EPHA3: variants seen among roughly 807,000 people sequenced by gnomAD.
The protein encoded by EPHA3 is ephrin type-A receptor 3.
Under a neutral mutation model 107.1 loss-of-function variants are expected in EPHA3, and 42 were observed. That is an observed-to-expected ratio of 0.39 (90% CI 0.31 to 0.51). The LOEUF (loss-of-function observed/expected upper bound fraction) is 0.51. Among genes scored for constraint, EPHA3 ranks in the 20% least tolerant of loss-of-function variants. The pLI is 0.78. For missense variants in EPHA3, 1,183 were observed against 1,211.2 expected, an observed-to-expected ratio of 0.98 and a Z score of 0.35; for synonymous variants, 461 against 424.8, an observed-to-expected ratio of 1.09 and a Z score of -1.05.
intron 13 of EPHA3, among the ~76,000 whole-genome samples, chr3:89,431,730 G>T (rs975043477): frequency 4.6e-5 from 7 of 151,964 alleles, no homozygotes; most frequent in Non-Finnish European, 8.8e-5. Context: ...TCATTTTAAA[G>T]CACTTTCAAA....
intron 5 of EPHA3, among the ~76,000 whole-genome samples, chr3:89,352,706 C>A (rs2107444865): frequency 6.6e-6 from 1 of 150,506 alleles, no homozygotes; most frequent in African/African-American, 2.4e-5. Context: ...GAATTCAAGA[C>A]CAGCCTGGTC....
At chr3:89,287,068 T>A (rs541281886) in intron 3 of EPHA3, among the ~76,000 whole-genome samples, 2 of 152,306 alleles carry the variant, frequency 1.3e-5, no homozygotes, top group South Asian at 2.1e-4. Context: ...TCCAAAACAC[T>A]TTTCAAATGG....
intron 3 of EPHA3, among the ~76,000 whole-genome samples, chr3:89,309,974 G>A (rs1281523946): frequency 6.6e-6 from 1 of 150,748 alleles, no homozygotes; most frequent in African/African-American, 2.4e-5. Context: ...AAACTTGGAA[G>A]CAAACTAAAT....
chr3:89,399,271 T>G, intron 6 of EPHA3, 47 bp from the exon 7 acceptor site: 2 of 1,547,282 alleles, frequency 1.3e-6, no homozygotes, highest in Non-Finnish European at 1.8e-6. Flanking sequence ...TTTTATAGCA[T>G]TATGAAGATT....
In EPHA3 at chr3:89,399,726, GTTT is replaced by G. The variant is rs368368368; in HGVS notation, c.1594+256_1594+258del. Reference sequence around the variant, plus strand: ...ATATTCTAATGCCTGAAATGCTTCTGTTTTTTTTTTTTAGCCATAAATTGCTTT... The same window carrying G: ...ATATTCTAATGCCTGAAATGCTTCTGTTTTTTTTTAGCCATAAATTGCTTT... On this transcript the variant is annotated intron_variant, in intron 7 of 16. Transcript: ENST00000336596. 2.7e-3 allele frequency: 2,671 copies of G among 987,402 alleles called. 49 individuals carry two copies. The African/African-American group carries it at 0.041, about 15-fold the overall frequency. The allele number at this position is 987,402 out of a possible 1,614,324, so 61.2% of individuals were successfully genotyped here. A position where few individuals can be genotyped will look rare whatever the true frequency, so the allele number is the denominator to read the frequency against.
chr3:89,421,397 G>A (rs1288740255), intron 11 of EPHA3, among the ~76,000 whole-genome samples: 1 of 150,992 alleles, frequency 6.6e-6, no homozygotes, highest in Non-Finnish European at 1.5e-5. Flanking sequence ...TTTAACAATA[G>A]GTCTTTCTTT....
At chr3:89,240,295 G>A (rs1704864409) in intron 3 of EPHA3, among the ~76,000 whole-genome samples, 1 of 152,088 alleles carries the variant, frequency 6.6e-6, no homozygotes, top group Non-Finnish European at 1.5e-5. Context: ...TAACTATAAT[G>A]CCTGCTTCAT....
intron 3 of EPHA3, among the ~76,000 whole-genome samples, chr3:89,242,601 C>A (rs1220291510): frequency 6.6e-6 from 1 of 151,988 alleles, no homozygotes; most frequent in African/African-American, 2.4e-5. Context: ...CCACACCTGG[C>A]TAATTTTTTG....
At chr3:89,194,765 T>C (rs1183628399) in intron 2 of EPHA3, among the ~76,000 whole-genome samples, 1 of 152,126 alleles carries the variant, frequency 6.6e-6, no homozygotes, top group African/African-American at 2.4e-5. Flanking sequence ...ATAATACCTA[T>C]ACAGTTATTG....
chr3:89,313,312 A>G (rs1316285862), intron 3 of EPHA3, among the ~76,000 whole-genome samples: 1 of 151,932 alleles, frequency 6.6e-6, no homozygotes, highest in Non-Finnish European at 1.5e-5. Context: ...ATATGTTTGA[A>G]AAGTTTCATT....
In EPHA3 at chr3:89,341,693, T is replaced by G. The variant is rs1707525080; in HGVS notation, c.971-62T>G. The G allele has an allele frequency of 3.1e-6, 4 of 1,306,828 alleles. No individual in the cohort carries two copies. The East Asian group carries it at 9.2e-5, about 30-fold the overall frequency. 81.0% of individuals were successfully genotyped at this position (1,306,828 alleles called of 1,614,324 possible). A position where few individuals can be genotyped will look rare whatever the true frequency, so the allele number is the denominator to read the frequency against. ...TCATTCAGTTCCATTGTAAATTATC[T>G]ATTTCCCTTGTAGTAGAAAACAGAA... On this transcript the variant is annotated intron_variant, in intron 4 of 16. Transcript: ENST00000336596.
At chr3:89,415,955 G>A (rs1287508886) in intron 10 of EPHA3, among the ~76,000 whole-genome samples, 3 of 151,428 alleles carry the variant, frequency 2.0e-5, no homozygotes, top group Admixed American at 1.3e-4. Context: ...GATCATAGTA[G>A]TGTCTTCTTC....
chr3:89,235,742 T>C (rs1331870160), intron 3 of EPHA3, among the ~76,000 whole-genome samples: 2 of 152,100 alleles, frequency 1.3e-5, no homozygotes, highest in East Asian at 3.9e-4. Context: ...ACTTGCTGAA[T>C]TCTTAACACC....
Position 89,482,062 on chromosome 3 carries a change from G to A in EPHA3, c.*2560G>A, listed in dbSNP as rs1576401589. On this transcript the variant is annotated 3_prime_UTR_variant, in exon 17 of 17. Coordinates refer to ENST00000336596, the MANE Select transcript of EPHA3 (RefSeq NM_005233.6). Reference sequence around the variant, plus strand: ...ACAATGTAGATGGCCTCTTACTAATGTAAAATGATTTGTAGTGGAAACATT... The same window carrying A: ...ACAATGTAGATGGCCTCTTACTAATATAAAATGATTTGTAGTGGAAACATT... 7 of 216,628 alleles carry A rather than the reference G, an allele frequency of 3.2e-5. No homozygotes were observed. The East Asian group carries it at 4.8e-4, about 15-fold the overall frequency. 13.4% of individuals were successfully genotyped at this position (216,628 alleles called of 1,614,324 possible). A position where few individuals can be genotyped will look rare whatever the true frequency, so the allele number is the denominator to read the frequency against.
intron 5 of EPHA3, among the ~76,000 whole-genome samples, chr3:89,353,478 T>C (rs1274550330): frequency 6.6e-6 from 1 of 151,358 alleles, no homozygotes; most frequent in Non-Finnish European, 1.5e-5. Flanking sequence ...AACAAACAAA[T>C]GACGTCTGAA....
intron 5 of EPHA3, among the ~76,000 whole-genome samples, chr3:89,389,642 T>A (rs1408794760): frequency 6.6e-6 from 1 of 152,226 alleles, no homozygotes; most frequent in Non-Finnish European, 1.5e-5. Flanking sequence ...AAGGGTCATA[T>A]TTTAGAGGCA....
Position 89,429,114 on chromosome 3 carries a change from G to C in EPHA3, c.2083G>C (p.Val695Leu), listed in dbSNP as rs760534439. The change falls in exon 12 of 17, where the codon GTT (valine) becomes CTT (leucine). Residue 695 changes from valine to leucine, a missense_variant. Transcript: ENST00000336596. ...LEGVVTKSKP[V>L]MIVTEYMENG... ...ATTTACTGTATATCTAGGTAAGCCA[G>C]TTATGATTGTCACAGAATACATGGA... is the stretch of plus-strand genomic sequence containing the variant. The C allele has an allele frequency of 6.2e-7, 1 of 1,609,420 alleles. No homozygotes were observed. Among genetic ancestry groups the C allele is most frequent in the Admixed American group, 1.7e-5 (1 of 59,920 alleles).
chr3:89,309,264 C>G (rs965664599), intron 3 of EPHA3, among the ~76,000 whole-genome samples: 1 of 152,006 alleles, frequency 6.6e-6, no homozygotes. Context: ...CAAATATTTT[C>G]AAGACGAAAA....
At chr3:89,477,796 A>G (rs1710547338) in intron 16 of EPHA3, among the ~76,000 whole-genome samples, 1 of 151,906 alleles carries the variant, frequency 6.6e-6, no homozygotes, top group South Asian at 2.1e-4. Context: ...ACTGGCAGCC[A>G]TTGTTTAGGT....
Sources: allele counts gnomAD v4.1 joint callset (sites outside exome capture counted in the v4.1 genomes callset), GRCh38; gene constraint gnomAD v4.1.1; transcripts MANE v1.5; gene names NCBI Gene and HGNC (gene_info 2026-07-23, HGNC 2026-07-21).